DOCK3: variants seen among roughly 807,000 people sequenced by gnomAD.
The protein encoded by DOCK3 is dedicator of cytokinesis 3.
Under a neutral mutation model 265.6 loss-of-function variants are expected in DOCK3, and 60 were observed. The ratio of observed to expected loss-of-function variants is 0.23; its 90% CI spans 0.18 to 0.28. DOCK3 has a LOEUF of 0.28. Ranked by LOEUF, DOCK3 falls within the 10% of genes least tolerant of loss-of-function variation. The probability of loss-of-function intolerance (pLI) is 1.00; values close to 1 mark genes in which losing one functional copy is unlikely to be tolerated. For synonymous variants in DOCK3, 881 were observed against 938.0 expected (o/e 0.94, Z 1.11); for missense variants, 1,981 against 2,594.3 (o/e 0.76, Z 5.14).
rs1440411090 is a variant in DOCK3 at position 50,974,589 on chromosome 3, G to C, written c.315+40512G>C. Among the ~76,000 whole-genome samples, 10 of 150,126 alleles carry C rather than the reference G, an allele frequency of 6.7e-5. No homozygotes were observed. In the Admixed American group the frequency reaches 6.7e-4, roughly 10 times the overall value. ...CAGGTAGTGTGATGTCTCCAGCTTT[G>C]TTCTTTTGGCTTAGGATTGACTTGG... On this transcript the variant is annotated intron_variant, in intron 5 of 52. Coordinates refer to ENST00000266037, the MANE Select transcript of DOCK3 (RefSeq NM_004947.5).
intron 12 of DOCK3, among the ~76,000 whole-genome samples, chr3:51,165,989 AT>A (rs2107582519): frequency 6.7e-6 from 1 of 149,294 alleles, no homozygotes; most frequent in South Asian, 2.1e-4. Context: ...GTAATTATAT[AT>A]TCTTTATTAT....
chr3:51,064,439 C>A lies in DOCK3; in HGVS notation c.316-9C>A. 6.2e-7 allele frequency: 1 copy of A among 1,613,144 alleles called. No individual in the cohort carries two copies. The highest frequency in any genetic ancestry group is 8.5e-7 in the Non-Finnish European group (1 of 1,179,350). ...TGTATTTCACCCAACACCAAAAATG[C>A]CCTTTCAGAAACACAAAGTAGATCT... On this transcript the variant is annotated splice_polypyrimidine_tract_variant and intron_variant, in intron 5 of 52. Coordinates refer to ENST00000266037, the MANE Select transcript of DOCK3 (RefSeq NM_004947.5).
intron 4 of DOCK3, among the ~76,000 whole-genome samples, chr3:50,923,869 T>C (rs2050630506): frequency 6.6e-6 from 1 of 152,194 alleles, no homozygotes; most frequent in Non-Finnish European, 1.5e-5. Flanking sequence ...CAGAGCATGA[T>C]AGTATTATGA....
intron 7 of DOCK3, among the ~76,000 whole-genome samples, chr3:51,086,792 A>T (rs1383759737): frequency 6.6e-6 from 1 of 152,144 alleles, no homozygotes; most frequent in African/African-American, 2.4e-5. Flanking sequence ...AGTGAGACTC[A>T]TCCCAAAAAC....
At chr3:50,953,971 T>A (rs2076662372) in intron 5 of DOCK3, among the ~76,000 whole-genome samples, 2 of 152,184 alleles carry the variant, frequency 1.3e-5, no homozygotes, top group Non-Finnish European at 2.9e-5. Context: ...TCATTAAGTG[T>A]ATAGTTCAGT....
intron 4 of DOCK3, chr3:50,900,830 A>T (rs1021846295): frequency 2.9e-5 from 12 of 407,854 alleles, no homozygotes; most frequent in African/African-American, 2.1e-4. Flanking sequence ...AACAGCAAAG[A>T]TTGCTGCCCT....
At position 51,296,118 on chromosome 3, in the gene DOCK3, A is replaced by G. The variant is rs142421501; in HGVS notation, c.2923-14114A>G. On this transcript the variant is annotated intron_variant, in intron 27 of 52. Transcript: ENST00000266037. ...ACAGGAAAATTATCAAAAGTTACAA[A>G]CAAGTTCAAGATTTCAGGACATAAG... Among the ~76,000 whole-genome samples the G allele has an allele frequency of 3.3e-4, 51 of 152,334 alleles. No homozygotes were observed. The East Asian group carries it at 9.5e-3, about 28-fold the overall frequency.
chr3:51,350,395 G>T lies in DOCK3; in HGVS notation c.4107+3G>T. 1 of 1,609,822 alleles carries T rather than the reference G, an allele frequency of 6.2e-7. No individual in the cohort carries two copies. Among genetic ancestry groups the T allele is most frequent in the Non-Finnish European group, 8.5e-7 (1 of 1,178,876 alleles). On this transcript the variant is annotated splice_donor_region_variant and intron_variant, in intron 40 of 52. Transcript: ENST00000266037. ...GGAAGTTTCCTTTCTTTCTTCGGGT[G>T]AGTCCATTCAGATGGTCACAAGAAC...
chr3:50,788,054 T>C, intron 2 of DOCK3: 1 of 741,730 alleles, frequency 1.3e-6, no homozygotes, highest in South Asian at 1.7e-5. Context: ...GAAATGTGGC[T>C]GTTCTTCTGT....
At chr3:50,682,440 C>T (rs530970190) in intron 1 of DOCK3, among the ~76,000 whole-genome samples, 11 of 152,294 alleles carry the variant, frequency 7.2e-5, no homozygotes, top group African/African-American at 2.6e-4. Context: ...TCCAGCCTGC[C>T]AAGACTTCTC....
intron 12 of DOCK3, among the ~76,000 whole-genome samples, chr3:51,197,099 C>A (rs2088348950): frequency 6.6e-6 from 1 of 152,166 alleles, no homozygotes; most frequent in South Asian, 2.1e-4. Flanking sequence ...GCAGTAGTGT[C>A]ATCTCTGTAT....
intron 6 of DOCK3, among the ~76,000 whole-genome samples, chr3:51,070,018 C>G (rs1317665026): frequency 6.6e-6 from 1 of 152,174 alleles, no homozygotes; most frequent in Non-Finnish European, 1.5e-5. Flanking sequence ...TCTGGGATGT[C>G]TTGGCTATGT....
At chr3:51,301,920 G>A (rs778396858) in intron 27 of DOCK3, among the ~76,000 whole-genome samples, 2 of 152,138 alleles carry the variant, frequency 1.3e-5, no homozygotes, top group Non-Finnish European at 2.9e-5. Context: ...GTTTTTGGGT[G>A]GAGAGTTCTG....
In DOCK3 at chr3:50,950,374, G is replaced by A. The variant is rs569916057; in HGVS notation, c.315+16297G>A. 6.0e-4 allele frequency among the ~76,000 whole-genome samples: 91 copies of A among 152,184 alleles called. 1 individual carries two copies. The highest frequency in any genetic ancestry group is 1.8e-3 in the Admixed American group (28 of 15,278). ...GGAACTCTAAGTGTAGTAATGCCTT[G>A]AAACCAGAATTAAAACATTTCTCTG... On this transcript the variant is annotated intron_variant, in intron 5 of 52. Coordinates refer to ENST00000266037, the MANE Select transcript of DOCK3 (RefSeq NM_004947.5).
chr3:51,035,513 A>C (rs2080231978), intron 5 of DOCK3, among the ~76,000 whole-genome samples: 1 of 152,152 alleles, frequency 6.6e-6, no homozygotes, highest in African/African-American at 2.4e-5. Context: ...AGTTTTAGTT[A>C]ACTCTTTTAA....
chr3:51,362,604 T>C lies in DOCK3; in HGVS notation c.5223T>C (p.Ser1741=). 1.2e-6 allele frequency: 2 copies of C among 1,614,008 alleles called. No individual in the cohort carries two copies. Among genetic ancestry groups the C allele is most frequent in the South Asian group, 1.1e-5 (1 of 91,084 alleles). ...SVLSSSQASP[S]SSSLSSTHSA... Reference sequence around the variant, plus strand: ...TGTCCTCGTCCCAGGCAAGCCCTTCTTCCTCCAGCCTGAGTTCCACTCACT... The same window carrying C: ...TGTCCTCGTCCCAGGCAAGCCCTTCCTCCTCCAGCCTGAGTTCCACTCACT... The change falls in exon 49 of 53, where the codon TCT becomes TCC. Residue 1741 remains serine, a synonymous_variant. Coordinates refer to ENST00000266037, the MANE Select transcript of DOCK3 (RefSeq NM_004947.5).
chr3:51,239,424 G>C (rs2078498563), intron 21 of DOCK3, among the ~76,000 whole-genome samples: 1 of 151,898 alleles, frequency 6.6e-6, no homozygotes. Flanking sequence ...TGGCCAGGCT[G>C]GTCTCCATCT....
At chr3:51,248,097 G>A (rs2108585972) in intron 22 of DOCK3, among the ~76,000 whole-genome samples, 1 of 152,326 alleles carries the variant, frequency 6.6e-6, no homozygotes, top group African/African-American at 2.4e-5. Flanking sequence ...AACCACTGGA[G>A]ATTCAGCAGG....
chr3:50,812,447 C>G (rs2043816149), intron 2 of DOCK3, among the ~76,000 whole-genome samples: 1 of 152,144 alleles, frequency 6.6e-6, no homozygotes, highest in African/African-American at 2.4e-5. Context: ...ATATTTGTTT[C>G]TATGGAAAAC....
Sources: allele counts gnomAD v4.1 joint callset (sites outside exome capture counted in the v4.1 genomes callset), GRCh38; gene constraint gnomAD v4.1.1; transcripts MANE v1.5; gene names NCBI Gene and HGNC (gene_info 2026-07-23, HGNC 2026-07-21).